ZPBP: variants seen among roughly 807,000 people sequenced by gnomAD.
ZPBP encodes the protein zona pellucida binding protein.
Under a neutral mutation model 44.8 loss-of-function variants are expected in ZPBP, and 26 were observed. The ratio of observed to expected loss-of-function variants is 0.58; its 90% confidence interval spans 0.43 to 0.81. The LOEUF (loss-of-function observed/expected upper bound fraction) is 0.81. Among genes scored for constraint, ZPBP ranks in the 30% least tolerant of loss-of-function variants. The pLI, the probability that ZPBP is intolerant of heterozygous loss-of-function variation, is 0.00. For missense variants in ZPBP, 409 were observed against 434.0 expected (o/e 0.94, Z 0.51); for synonymous variants, 174 against 153.2 (o/e 1.14, Z -1.00).
intron 2 of ZPBP, among the ~76,000 whole-genome samples, chr7:49,886,682 TAC>T (rs1481760522): frequency 6.6e-6 from 1 of 152,178 alleles, no homozygotes; most frequent in Non-Finnish European, 1.5e-5. Context: ...GGGTTTGTTG[TAC>T]AGATTATTTT....
intron 6 of ZPBP, among the ~76,000 whole-genome samples, chr7:49,988,341 C>T (rs1418196780): frequency 6.6e-6 from 1 of 152,148 alleles, no homozygotes; most frequent in Non-Finnish European, 1.5e-5. Context: ...TTTCCTGACA[C>T]CTAGCTTTTA....
chr7:50,059,513 A>G (rs139181584), intron 3 of ZPBP, among the ~76,000 whole-genome samples: 175 of 152,334 alleles, frequency 1.1e-3, no homozygotes, highest in Non-Finnish European at 1.9e-3. Context: ...ATGAAATATT[A>G]CATATTTATC....
intron 1 of ZPBP, chr7:49,919,408 A>G (rs1793902237): frequency 6.6e-6 from 1 of 152,178 alleles, no homozygotes; most frequent in South Asian, 2.1e-4. Flanking sequence ...TTATACTTTT[A>G]AGCAAAATTT....
At chr7:49,944,845 T>TAA (rs1562791689) in intron 7 of ZPBP, among the ~76,000 whole-genome samples, 4 of 28,326 alleles carry the variant, frequency 1.4e-4, no homozygotes, top group Admixed American at 3.6e-4. Context: ...TGTATTTTTT[T>TAA]TATTTCATTT....
intron 3 of ZPBP, among the ~76,000 whole-genome samples, chr7:50,069,784 A>T (rs756723043): frequency 2.0e-5 from 3 of 151,872 alleles, no homozygotes; most frequent in Non-Finnish European, 4.4e-5. Context: ...CTATTACAGG[A>T]GTTTCAGACA....
intron 1 of ZPBP, chr7:49,913,197 A>G (rs777657735): frequency 4.6e-5 from 7 of 152,218 alleles, no homozygotes; most frequent in Non-Finnish European, 7.3e-5. Flanking sequence ...ATAACCTTGA[A>G]TTAGCCACCC....
chr7:50,011,352 G>A (rs1369614075), intron 6 of ZPBP, among the ~76,000 whole-genome samples: 1 of 152,124 alleles, frequency 6.6e-6, no homozygotes. Flanking sequence ...CAAAAACAAA[G>A]ATAAACAGAT....
chr7:50,026,072 T>C (rs1222134803), intron 5 of ZPBP, among the ~76,000 whole-genome samples: 2 of 151,750 alleles, frequency 1.3e-5, no homozygotes, highest in African/African-American at 4.8e-5. Flanking sequence ...CTAGACAAAA[T>C]GGACAAATTG....
chr7:50,075,748 G>A (rs895230128), intron 3 of ZPBP, among the ~76,000 whole-genome samples: 4 of 151,832 alleles, frequency 2.6e-5, no homozygotes, highest in African/African-American at 9.7e-5. Flanking sequence ...TAACAAGATA[G>A]AAGCCTTAAT....
At chr7:49,999,524 T>C (rs547933206) in intron 6 of ZPBP, among the ~76,000 whole-genome samples, 2 of 152,058 alleles carry the variant, frequency 1.3e-5, no homozygotes, top group African/African-American at 4.8e-5. Context: ...CACTTTACCA[T>C]CTGCAAGCTG....
At chr7:49,956,936 T>C (rs1795622117) in intron 7 of ZPBP, among the ~76,000 whole-genome samples, 1 of 152,208 alleles carries the variant, frequency 6.6e-6, no homozygotes, top group Admixed American at 6.5e-5. Flanking sequence ...GGTTTGAATG[T>C]TTGTCCCTTC....
At chr7:50,048,774 AAAAG>A (rs1469364250) in intron 4 of ZPBP, among the ~76,000 whole-genome samples, 2 of 151,956 alleles carry the variant, frequency 1.3e-5, no homozygotes. Flanking sequence ...CGGACAATGA[AAAAG>A]AAAGAGAAAA....
In ZPBP at chr7:50,093,117, G is replaced by C. The variant is rs1562625076; in HGVS notation, c.78C>G (p.Ala26=). ...TRAAGSLLSR[A]AILLFISAFL... is the part of the protein sequence containing the mutation. Reference sequence around the variant, plus strand: ...AGGCGGAGATAAAGAGGAGGATGGCGGCCCGAGAGAGCAGGGAGCCGGCGG... The same window carrying C: ...AGGCGGAGATAAAGAGGAGGATGGCCGCCCGAGAGAGCAGGGAGCCGGCGG... Residue 26 remains alanine (A), a synonymous_variant, in exon 1 of 8, where the codon GCC becomes GCG. Coordinates refer to ENST00000046087, the MANE Select transcript of ZPBP (RefSeq NM_007009.3). 1.3e-6 allele frequency: 2 copies of C among 1,585,710 alleles called. No individual in the cohort carries two copies. The highest frequency in any genetic ancestry group is 1.1e-5 in the South Asian group (1 of 87,348).
Position 49,902,756 on chromosome 7 carries a change from T to G in ZPBP, n.412-1541A>C, listed in dbSNP as rs192880793. 3.7e-3 allele frequency among the ~76,000 whole-genome samples: 557 copies of G among 152,162 alleles called. 4 individuals are homozygous for G. Among genetic ancestry groups the G allele is most frequent in the Non-Finnish European group, 5.1e-3 (348 of 67,932 alleles). On this transcript the variant is annotated intron_variant and non_coding_transcript_variant, in intron 1 of 2. Coordinates refer to the ZPBP transcript ENST00000465922. ...TCCATAAGATAGAAAATTGATGCAT[T>G]TGATCGCATTGAAATATAAAATTTT...
At chr7:49,978,002 G>GA (rs1460959669) in intron 7 of ZPBP, among the ~76,000 whole-genome samples, 1 of 150,008 alleles carries the variant, frequency 6.7e-6, no homozygotes, top group Non-Finnish European at 1.5e-5. Context: ...AGTTTAAAGA[G>GA]AAAAAAATAG....
intron 7 of ZPBP, among the ~76,000 whole-genome samples, chr7:49,949,435 G>T (rs1795237029): frequency 6.6e-6 from 1 of 152,072 alleles, no homozygotes; most frequent in East Asian, 1.9e-4. Context: ...AGGTACAATA[G>T]AATGTTATTC....
At chr7:49,934,552 CAT>C (rs1367008890), downstream of ZPBP, among the ~76,000 whole-genome samples, 48 of 152,054 alleles carry the variant, frequency 3.2e-4, no homozygotes, top group Admixed American at 8.5e-4. Flanking sequence ...CAATTGTACA[CAT>C]GTGTATATAA....
intron 6 of ZPBP, among the ~76,000 whole-genome samples, chr7:50,007,342 G>T (rs181275959): frequency 6.6e-6 from 1 of 152,092 alleles, no homozygotes; most frequent in East Asian, 1.9e-4. Context: ...GCATCATGAA[G>T]AAACAGAAAG....
chr7:49,948,199 G>A (rs1169964651), intron 7 of ZPBP, among the ~76,000 whole-genome samples: 2 of 152,124 alleles, frequency 1.3e-5, no homozygotes, highest in African/African-American at 4.8e-5. Flanking sequence ...CCACAAAGCT[G>A]GTATCCAAGC....
Sources: gnomAD v4.1 joint callset for allele counts (sites outside exome capture counted in the v4.1 genomes callset) on GRCh38, gnomAD v4.1.1 for gene constraint, MANE v1.5 for transcripts, NCBI Gene and HGNC (gene_info 2026-07-23, HGNC 2026-07-21) for gene names.